The following TNK2 variants were observed in gnomAD, a reference collection of about 807,000 sequenced individuals.
TNK2 encodes the protein activated CDC42 kinase 1.
A neutral mutation model predicts 101.8 loss-of-function variants in TNK2; 83 were observed. That is an observed-to-expected ratio of 0.82 (90% CI 0.68 to 0.98). The LOEUF is 0.98. TNK2 is among the 50% of genes least tolerant of loss of function. TNK2 has a pLI of 0.00. For synonymous variants in TNK2, 804 were observed against 633.0 expected (o/e 1.27, Z -4.06); for missense variants, 1,665 against 1,483.2 (o/e 1.12, Z -2.01).
intron 6 of TNK2, among the ~76,000 whole-genome samples, chr3:195,881,529 G>C (rs1202090951): frequency 1.9e-5 from 1 of 51,304 alleles, no homozygotes. Flanking sequence ...ATCTATCCCT[G>C]TAACACCCCC....
chr3:195,906,491 T>C (rs369523152), intron 1 of TNK2, among the ~76,000 whole-genome samples: 2 of 152,030 alleles, frequency 1.3e-5, no homozygotes, highest in South Asian at 4.2e-4. Flanking sequence ...AAAATACTTC[T>C]GTTGAATGAA....
rs1470352657 is a variant in TNK2 at position 195,885,122 on chromosome 3, C to G, written c.235-89G>C. 2.4e-5 allele frequency: 32 copies of G among 1,346,516 alleles called. No individual in the cohort carries two copies. The highest frequency in any genetic ancestry group is 2.9e-5 in the Non-Finnish European group (29 of 996,066). The allele number at this position is 1,346,516 out of a possible 1,614,324, so 83.4% of individuals were successfully genotyped here. A position where few individuals can be genotyped will look rare whatever the true frequency, so the allele number is the denominator to read the frequency against. ...CCCCGCTGGGTCCACCTGGTGATCC[C>G]CGGCTTCGGCTTCCAGATAGGTCCT... On this transcript the variant is annotated intron_variant, in intron 3 of 15. Coordinates refer to ENST00000672887, the MANE Select transcript of TNK2 (RefSeq NM_001382273.1). The surrounding 1 kb of genome is among the most constrained non-coding windows in gnomAD (Gnocchi z 4.7).
Position 195,864,131 on chromosome 3 carries a change from C to A in TNK2, c.*50G>T. 1 of 1,613,122 alleles carries A rather than the reference C, an allele frequency of 6.2e-7. No homozygotes were observed. The highest frequency in any genetic ancestry group is 1.3e-5 in the African/African-American group (1 of 75,010). ...CATCTCCCCACTCCTGGTGGACGGA[C>A]AGGCTCAGGTGATTCCTTCAGGCAG... On this transcript the variant is annotated 3_prime_UTR_variant, in exon 16 of 16. Coordinates refer to ENST00000672887, the MANE Select transcript of TNK2 (RefSeq NM_001382273.1).
intron 1 of TNK2, among the ~76,000 whole-genome samples, chr3:195,890,435 G>C (rs1757912038): frequency 6.7e-6 from 1 of 148,266 alleles, no homozygotes; most frequent in Non-Finnish European, 1.5e-5. Flanking sequence ...AAATAAGAAA[G>C]TACTTTTATA....
chr3:195,870,973 G>GGGGTTCTGGGGTGTGGGGGCCCGCTGTGT (rs1744801287), intron 10 of TNK2, among the ~76,000 whole-genome samples: 1 of 129,298 alleles, frequency 7.7e-6, no homozygotes, highest in Non-Finnish European at 1.7e-5. Flanking sequence ...CTCGCTGTGT[G>GGGGTTCTGGGGTGTGGGGGCCCGCTGTGT]GGGTTCTGGT....
At chr3:195,892,291 C>T in intron 1 of TNK2, 1 of 1,048,000 alleles carries the variant, frequency 9.5e-7, no homozygotes, top group Non-Finnish European at 1.3e-6. Flanking sequence ...GACTCCCCGT[C>T]AAGCCCTCAC....
chr3:195,872,013 CT>C (rs1291924983), intron 10 of TNK2, among the ~76,000 whole-genome samples: 1 of 128,478 alleles, frequency 7.8e-6, no homozygotes, highest in Admixed American at 7.4e-5. Context: ...GAACATTCCC[CT>C]GGAGAACCCT....
rs559079950 is a variant in TNK2 at position 195,883,433 on chromosome 3, A to G, written c.457-124T>C. On this transcript the variant is annotated intron_variant, in intron 4 of 15. Coordinates refer to ENST00000672887, the MANE Select transcript of TNK2 (RefSeq NM_001382273.1). Reference sequence around the variant, plus strand: ...CTGTGAGCTCCTCATCTGGGTGGGTAAGCATGTCACCAGTGCCTGGGCTTA... The same window carrying G: ...CTGTGAGCTCCTCATCTGGGTGGGTGAGCATGTCACCAGTGCCTGGGCTTA... The G allele has an allele frequency of 8.1e-5, 96 of 1,187,252 alleles. No homozygotes were observed. The Admixed American group carries it at 1.4e-3, about 17-fold the overall frequency. The allele number at this position is 1,187,252 out of a possible 1,614,324, so 73.5% of individuals were successfully genotyped here.
chr3:195,899,938 G>A (rs995839179), intron 1 of TNK2, among the ~76,000 whole-genome samples: 3 of 152,104 alleles, frequency 2.0e-5, no homozygotes, highest in African/African-American at 7.2e-5. Flanking sequence ...AACAAGCCTG[G>A]TTGCCCTCTC....
At chr3:195,906,046 T>C (rs992098488) in intron 1 of TNK2, among the ~76,000 whole-genome samples, 1 of 152,100 alleles carries the variant, frequency 6.6e-6, no homozygotes, top group Admixed American at 6.5e-5. Flanking sequence ...AAGACATACG[T>C]ATGGCAAATG....
chr3:195,869,126 G>A (rs1743000770), intron 12 of TNK2: 1 of 499,544 alleles, frequency 2.0e-6, no homozygotes. Flanking sequence ...GGGGCTATAA[G>A]GACTATCCTT....
Position 195,870,137 on chromosome 3 carries a change from G to A in TNK2, c.1520C>T (p.Pro507Leu), listed in dbSNP as rs369294867. 78 of 1,473,660 alleles carry A rather than the reference G, an allele frequency of 5.3e-5. No individual in the cohort carries two copies. In the African/African-American group the frequency reaches 5.8e-4, roughly 11 times the overall value. 91.3% of individuals were successfully genotyped at this position (1,473,660 alleles called of 1,614,324 possible). ...LSVELSTSRPPQHLGGVKREP... is the reference protein window; with the variant it reads ...LSVELSTSRPLQHLGGVKREP... ...ACTTTTCACCCCTCCTAGATGCTGG[G>A]GGGGCCGGGAGGTGCTCAGTTCCAC... The change falls in exon 11 of 16, where the codon CCC becomes CTC. Residue 507 changes from proline (P) to leucine (L), a missense_variant. Physicochemically the swap from Pro to Leu is moderately conservative, Grantham distance 98. This residue lies in a region of TNK2 where 1,136 missense variants were observed against 894.9 expected (regional missense o/e 1.27). Coordinates refer to ENST00000672887, the MANE Select transcript of TNK2 (RefSeq NM_001382273.1).
intron 10 of TNK2, among the ~76,000 whole-genome samples, chr3:195,871,263 G>A (rs1745128094): frequency 1.3e-5 from 2 of 152,096 alleles, no homozygotes; most frequent in South Asian, 2.1e-4. Context: ...CCCCTCGGTG[G>A]CCTTATCCTC....
At position 195,867,912 on chromosome 3, in the gene TNK2, G is replaced by A. The variant is rs75030861; in HGVS notation, c.2386C>T (p.Arg796Trp). The A allele has an allele frequency of 2.3e-5, 36 of 1,532,500 alleles. No individual in the cohort carries two copies. In the Middle Eastern group the frequency reaches 1.2e-3, roughly 52 times the overall value. The allele number at this position is 1,532,500 out of a possible 1,614,324, so 94.9% of individuals were successfully genotyped here. The change falls in exon 13 of 16, where the codon CGG becomes TGG. Residue 796 changes from arginine to tryptophan, a missense_variant. Physicochemically the swap from Arg to Trp is moderately radical, Grantham distance 101. Around this residue, in one of 3 missense-constraint regions of TNK2, gnomAD observed 1,136 missense variants for 894.9 expected, o/e 1.27. Coordinates refer to ENST00000672887, the MANE Select transcript of TNK2 (RefSeq NM_001382273.1). ...GAGCCTTGAGGGGACAGGGGCTCCCGCGGAGGCACCCGGGGAGGGGAAGCA... is the reference window on the plus strand; with the variant it reads ...GAGCCTTGAGGGGACAGGGGCTCCCACGGAGGCACCCGGGGAGGGGAAGCA... ...GPASPPRVPP[R>W]EPLSPQGSRT...
rs1754962303 is a variant in TNK2, at chr3:195,884,988, A to G, written c.280T>C (p.Ser94Pro). ...RLEAEFPPHH[S>P]QSTFRKTSPA... ...GAGGTCTTCCGGAAGGTGCTCTGAG[A>G]GTGATGAGGTGGGAACTCAGCCTCC... is the stretch of plus-strand genomic sequence containing the variant. The change falls in exon 4 of 16, where the codon TCT (serine) becomes CCT (proline). Residue 94 changes from serine to proline, a missense_variant. Transcript: ENST00000672887. 4 of 1,612,468 alleles carry G rather than the reference A, an allele frequency of 2.5e-6. No individual in the cohort carries two copies. The African/African-American group carries it at 5.3e-5, about 22-fold the overall frequency.
At chr3:195,904,882 T>C (rs931118574) in intron 1 of TNK2, among the ~76,000 whole-genome samples, 4 of 152,196 alleles carry the variant, frequency 2.6e-5, no homozygotes, top group Non-Finnish European at 4.4e-5. Flanking sequence ...ATATACACTG[T>C]TCATGGTCAG....
At chr3:195,869,993 T>C (rs946387341) in intron 11 of TNK2, 121 bp downstream of exon 11, 26 of 773,878 alleles carry the variant, frequency 3.4e-5, no homozygotes, top group African/African-American at 2.8e-4. Flanking sequence ...CTGTCCCGCC[T>C]GCTGCCCTGA....
intron 10 of TNK2, chr3:195,870,429 G>C: frequency 7.2e-7 from 1 of 1,382,486 alleles, no homozygotes; most frequent in South Asian, 1.2e-5. Flanking sequence ...GAAAGCCTAG[G>C]ACCTCAGGGA....
Position 195,882,610 on chromosome 3 carries a change from C to A in TNK2, c.610-282G>T. 7.8e-7 allele frequency: 1 copy of A among 1,287,912 alleles called. No individual in the cohort carries two copies. Among genetic ancestry groups the A allele is most frequent in the South Asian group, 1.3e-5 (1 of 78,988 alleles). 79.8% of individuals were successfully genotyped at this position (1,287,912 alleles called of 1,614,324 possible). ...TGGTGGCTCACGCCTGTAATCCCAGCACTTTGGGAGGCCGAGGTGGGTGGA... is the reference window on the plus strand; with the variant it reads ...TGGTGGCTCACGCCTGTAATCCCAGAACTTTGGGAGGCCGAGGTGGGTGGA... On this transcript the variant is annotated intron_variant, in intron 5 of 15. Coordinates refer to ENST00000672887, the MANE Select transcript of TNK2 (RefSeq NM_001382273.1). The surrounding 1 kb of genome is among the most constrained non-coding windows in gnomAD (Gnocchi z 4.2).
Sources: allele counts gnomAD v4.1 joint callset (sites outside exome capture counted in the v4.1 genomes callset), GRCh38; gene constraint gnomAD v4.1.1; regional missense constraint gnomAD v4.1.1; non-coding constraint Gnocchi (gnomAD v3.1); transcripts MANE v1.5; gene names NCBI Gene and HGNC (gene_info 2026-07-23, HGNC 2026-07-21).